CDC40: variants seen among roughly 807,000 people sequenced by gnomAD.
The protein encoded by CDC40 is pre-mRNA-processing factor 17.
A neutral mutation model predicts 80.6 loss-of-function variants in CDC40; 27 were observed. The ratio of observed to expected loss-of-function variants is 0.33; its 90% CI spans 0.25 to 0.46. The LOEUF (loss-of-function observed/expected upper bound fraction) is 0.46, where lower values mean the gene tolerates loss of function less well. Ranked by LOEUF, CDC40 falls within the 20% of genes least tolerant of loss-of-function variation. The pLI, the probability that CDC40 is intolerant of heterozygous loss-of-function variation, is 1.00. For synonymous variants in CDC40, 221 were observed against 232.6 expected (o/e 0.95, Z 0.45); for missense variants, 486 against 694.1 (o/e 0.70, Z 3.37).
chr6:110,184,300 G>A (rs1562198055), intron 1 of CDC40, among the ~76,000 whole-genome samples: 1 of 151,992 alleles, frequency 6.6e-6, no homozygotes, highest in Non-Finnish European at 1.5e-5. Flanking sequence ...ACCCAGTTGG[G>A]ATTTTGTTTG....
At chr6:110,209,714 C>G (rs1024094064) in intron 5 of CDC40, among the ~76,000 whole-genome samples, 2 of 152,118 alleles carry the variant, frequency 1.3e-5, no homozygotes, top group Admixed American at 1.3e-4. Flanking sequence ...CTCACTGTCT[C>G]CATGAGCCAG....
chr6:110,209,758 A>T (rs1777610442), intron 5 of CDC40, among the ~76,000 whole-genome samples: 1 of 152,194 alleles, frequency 6.6e-6, no homozygotes, highest in African/African-American at 2.4e-5. Flanking sequence ...ACAGCAGTGG[A>T]CAAGATCAAG....
intron 13 of CDC40, among the ~76,000 whole-genome samples, chr6:110,228,343 T>C (rs114317438): frequency 6.6e-6 from 1 of 152,200 alleles, no homozygotes; most frequent in Non-Finnish European, 1.5e-5. Context: ...AAAAGCATTG[T>C]AGCCTTTTAA....
intron 6 of CDC40, chr6:110,211,913 A>G (rs75460350): frequency 0.032 from 15,401 of 477,726 alleles, 361 homozygotes; most frequent in Middle Eastern, 0.081. Context: ...ATCTCTGGAT[A>G]TTTAGGAATT....
chr6:110,230,025 G>A lies in CDC40; in HGVS notation c.1634G>A (p.Arg545Gln), dbSNP rs772396649. 5.0e-6 allele frequency: 8 copies of A among 1,612,086 alleles called. No individual in the cohort carries two copies. The highest frequency in any genetic ancestry group is 4.4e-5 in the South Asian group (4 of 91,014). Residue 545 changes from arginine (R) to glutamine (Q), a missense_variant, in exon 15 of 15, where the codon CGA (arginine) becomes CAA (glutamine). Arg to Gln is a conservative substitution (Grantham distance 43). Coordinates refer to ENST00000307731, the MANE Select transcript of CDC40 (RefSeq NM_015891.3). ...TGGAAGACCACAAAACTCTACAGTC[G>A]ATTTAAAGCTCATGATAAAGTGTGT... The part of the protein sequence containing the change: ...WDWKTTKLYS[R>Q]FKAHDKVCIG...
In CDC40 at chr6:110,231,416, G is replaced by C. The variant is rs1047018576; in HGVS notation, c.*1285G>C. ...TCAGAAGGCTGAGGCAGGGAGAATT[G>C]CTTGAACCCAGGAGTGGAGGTTGCA... On this transcript the variant is annotated 3_prime_UTR_variant, in exon 15 of 15. Transcript: ENST00000307731. 1 of 152,220 alleles carries C rather than the reference G, an allele frequency of 6.6e-6. No individual in the cohort carries two copies. Among genetic ancestry groups the C allele is most frequent in the Non-Finnish European group, 1.5e-5 (1 of 68,060 alleles). 9.4% of individuals were successfully genotyped at this position (152,220 alleles called of 1,614,324 possible).
intron 12 of CDC40, among the ~76,000 whole-genome samples, chr6:110,225,625 T>G (rs1225033427): frequency 1.3e-5 from 2 of 152,208 alleles, no homozygotes; most frequent in Non-Finnish European, 2.9e-5. Flanking sequence ...CCACCTGCAT[T>G]GCTGCAGGCT....
intron 1 of CDC40, among the ~76,000 whole-genome samples, chr6:110,185,106 C>G (rs1777247668): frequency 6.6e-6 from 1 of 152,094 alleles, no homozygotes; most frequent in African/African-American, 2.4e-5. Flanking sequence ...TTTAAATGAC[C>G]GTGTGCTAGA....
At chr6:110,220,190 C>T (rs1354853217) in intron 12 of CDC40, among the ~76,000 whole-genome samples, 1 of 152,054 alleles carries the variant, frequency 6.6e-6, no homozygotes, top group African/African-American at 2.4e-5. Flanking sequence ...AAATAACTGG[C>T]AAGCAGTAGG....
intron 12 of CDC40, 82 bp from the exon 13 acceptor site, chr6:110,226,085 A>G (rs1486699251): frequency 6.8e-6 from 5 of 733,608 alleles, no homozygotes; most frequent in Non-Finnish European, 1.2e-5. Flanking sequence ...TTTTATTTGC[A>G]TATTATTCCT....
intron 13 of CDC40, 55 bp downstream of exon 13, chr6:110,226,298 T>A: frequency 1.8e-6 from 2 of 1,135,884 alleles, no homozygotes; most frequent in Non-Finnish European, 2.6e-6. Context: ...ACAGTGTGAT[T>A]TCTTTATTCA....
rs905292160 is a variant in CDC40, at chr6:110,232,120, G to T, written c.*1989G>T. On this transcript the variant is annotated 3_prime_UTR_variant, in exon 15 of 15. Transcript: ENST00000307731. ...TTACAAATCATCATTTCTAAATCTG[G>T]ATTGATTCTGTTGTGTTTTTGACTG... The T allele has an allele frequency of 1.3e-5, 2 of 152,256 alleles. No homozygotes were observed. The highest frequency in any genetic ancestry group is 2.4e-5 in the African/African-American group (1 of 41,252). The allele number at this position is 152,256 out of a possible 1,614,324, so 9.4% of individuals were successfully genotyped here. A position where few individuals can be genotyped will look rare whatever the true frequency, so the allele number is the denominator to read the frequency against.
At chr6:110,213,399 T>G (rs1041271479) in intron 8 of CDC40, among the ~76,000 whole-genome samples, 1 of 151,172 alleles carries the variant, frequency 6.6e-6, no homozygotes, top group African/African-American at 2.4e-5. Flanking sequence ...TTTTTTGTTT[T>G]TTTTTTTTGA....
intron 12 of CDC40, among the ~76,000 whole-genome samples, chr6:110,220,384 T>C (rs2114669890): frequency 6.6e-6 from 1 of 151,454 alleles, no homozygotes; most frequent in Middle Eastern, 3.5e-3. Flanking sequence ...AAAGGTTTAA[T>C]GAACTTAAGT....
In CDC40 at chr6:110,189,559, A is replaced by T. The variant is rs945125870; in HGVS notation, c.190-3623A>T. Among the ~76,000 whole-genome samples the T allele has an allele frequency of 7.9e-5, 12 of 152,262 alleles. No homozygotes were observed. In the South Asian group the frequency reaches 8.3e-4, roughly 11 times the overall value. On this transcript the variant is annotated intron_variant, in intron 1 of 14. Coordinates refer to ENST00000307731, the MANE Select transcript of CDC40 (RefSeq NM_015891.3). The stretch of plus-strand genomic sequence containing the variant: ...TCTATCACCCATTCTTACCTTTGTC[A>T]TCTCTATTTCATCCCAAAGAGAGCA...
intron 3 of CDC40, among the ~76,000 whole-genome samples, chr6:110,203,798 T>G (rs1230171498): frequency 1.3e-5 from 2 of 152,098 alleles, no homozygotes; most frequent in Non-Finnish European, 2.9e-5. Context: ...AGCCCCTCAG[T>G]GGTTGTGTGA....
chr6:110,181,020 TA>T (rs1218991250), intron 1 of CDC40, among the ~76,000 whole-genome samples: 1 of 152,240 alleles, frequency 6.6e-6, no homozygotes, highest in African/African-American at 2.4e-5. Context: ...AACTAGGTTC[TA>T]ATCCTGGCAC....
chr6:110,195,051 G>T (rs1157244903), intron 2 of CDC40, among the ~76,000 whole-genome samples: 2 of 152,126 alleles, frequency 1.3e-5, no homozygotes, highest in Non-Finnish European at 2.9e-5. Context: ...GGTAAAAAAG[G>T]ACTGATAGGA....
At chr6:110,186,939 G>A (rs1777280225) in intron 1 of CDC40, among the ~76,000 whole-genome samples, 1 of 152,042 alleles carries the variant, frequency 6.6e-6, no homozygotes, top group African/African-American at 2.4e-5. Context: ...ACACATATTT[G>A]TGTTCTCCAG....
Sources: gnomAD v4.1 joint callset for allele counts (sites outside exome capture counted in the v4.1 genomes callset) on GRCh38, gnomAD v4.1.1 for gene constraint, MANE v1.5 for transcripts, NCBI Gene and HGNC (gene_info 2026-07-23, HGNC 2026-07-21) for gene names.